Variants in CCDC180 observed in about 807,000 individuals in gnomAD.
The protein encoded by CCDC180 is coiled-coil domain-containing protein 180.
A neutral mutation model predicts 209.2 loss-of-function variants in CCDC180; 154 were observed. The ratio of observed to expected loss-of-function variants is 0.74; its 90% CI spans 0.65 to 0.84. The LOEUF (loss-of-function observed/expected upper bound fraction) is 0.84, where lower values mean the gene tolerates loss of function less well. CCDC180 is among the 40% of genes least tolerant of loss of function. The pLI, the probability that CCDC180 is intolerant of heterozygous loss-of-function variation, is 0.00. For synonymous variants in CCDC180, 778 were observed against 749.1 expected (o/e 1.04, Z -0.63); for missense variants, 1,874 against 1,997.3 (o/e 0.94, Z 1.18).
chr9:97,342,378 T>C (rs1305474922), intron 18 of CCDC180, among the ~76,000 whole-genome samples: 1 of 152,178 alleles, frequency 6.6e-6, no homozygotes, highest in Non-Finnish European at 1.5e-5. Flanking sequence ...GGTCTCAAAC[T>C]CATGACCTCA....
At chr9:97,371,925 C>T (rs565971258) in intron 34 of CCDC180, 7 of 375,674 alleles carry the variant, frequency 1.9e-5, no homozygotes, top group African/African-American at 1.2e-4. Context: ...ATTAAGTAAA[C>T]ACTCCCATAC....
chr9:97,330,234 A>C (rs1325369853), intron 17 of CCDC180, 41 bp downstream of exon 17: 2 of 1,612,090 alleles, frequency 1.2e-6, no homozygotes, highest in Non-Finnish European at 1.7e-6. Context: ...CCCAGACTTC[A>C]CTCTTACGCG....
intron 18 of CCDC180, among the ~76,000 whole-genome samples, chr9:97,342,977 C>G (rs1335665602): frequency 6.6e-6 from 1 of 152,122 alleles, no homozygotes; most frequent in African/African-American, 2.4e-5. Flanking sequence ...GCAGGAATCC[C>G]AAACTCAAAT....
Position 97,374,596 on chromosome 9 carries a change from G to A in CCDC180, c.4654G>A (p.Gly1552Arg), listed in dbSNP as rs1213935034. 2 of 1,614,016 alleles carry A rather than the reference G, an allele frequency of 1.2e-6. No homozygotes were observed. Among genetic ancestry groups the A allele is most frequent in the Admixed American group, 1.7e-5 (1 of 60,002 alleles). The change falls in exon 35 of 37, where the codon GGG becomes AGG. Residue 1552 changes from glycine (G) to arginine (R), a missense_variant. Transcript: ENST00000529487. ...AATGCTCATACGAAGGAAACTCGCT[G>A]GGCTCTCCCTGAAGGAAGAGAGTGA... ...LSMLIRRKLAGLSLKEESEKP... is the reference protein window; with the variant it reads ...LSMLIRRKLARLSLKEESEKP...
chr9:97,322,990 C>A, intron 12 of CCDC180, 69 bp downstream of exon 12: 1 of 1,234,944 alleles, frequency 8.1e-7, no homozygotes. Context: ...TCCCTGGCCC[C>A]ATACCCACTG....
chr9:97,309,082 A>G (rs1434639908), intron 2 of CCDC180, among the ~76,000 whole-genome samples: 2 of 152,226 alleles, frequency 1.3e-5, no homozygotes, highest in Non-Finnish European at 2.9e-5. Flanking sequence ...CTAACATTCC[A>G]TCAAACAGAC....
At chr9:97,316,048 T>C (rs761173376) in intron 8 of CCDC180, among the ~76,000 whole-genome samples, 4 of 152,126 alleles carry the variant, frequency 2.6e-5, no homozygotes, top group East Asian at 1.9e-4. Flanking sequence ...GGGAGGATAA[T>C]AAAAGAGGGT....
intron 18 of CCDC180, among the ~76,000 whole-genome samples, chr9:97,336,040 G>A (rs182750823): frequency 3.5e-4 from 54 of 152,182 alleles, no homozygotes; most frequent in African/African-American, 1.3e-3. Context: ...ATTTTTTCTT[G>A]TAAATTTGTT....
intron 20 of CCDC180, among the ~76,000 whole-genome samples, chr9:97,348,633 C>T (rs188072683): frequency 4.5e-4 from 69 of 152,200 alleles, no homozygotes; most frequent in Middle Eastern, 3.4e-3. Context: ...TTTAAAGGCC[C>T]ATGATGGAGC....
intron 18 of CCDC180, among the ~76,000 whole-genome samples, chr9:97,334,804 TC>T (rs1481955669): frequency 6.6e-6 from 1 of 152,180 alleles, no homozygotes; most frequent in Non-Finnish European, 1.5e-5. Context: ...TAGACTTTCA[TC>T]TTTAACAGTG....
At position 97,377,023 on chromosome 9, in the gene CCDC180, T is replaced by TGG; in HGVS notation, c.*129_*130insGG. On this transcript the variant is annotated 3_prime_UTR_variant, in exon 37 of 37. Transcript: ENST00000529487. Reference sequence around the variant, plus strand: ...CACCCCTGCTCTGTGCCGGGCACTGTAGCTTTACCAGCGAACAGGACACAG... The same window carrying TGG: ...CACCCCTGCTCTGTGCCGGGCACTGTGGAGCTTTACCAGCGAACAGGACACAG... The TGG allele has an allele frequency of 2.8e-6, 3 of 1,074,000 alleles. No homozygotes were observed. The highest frequency in any genetic ancestry group is 3.9e-6 in the Non-Finnish European group (3 of 772,080). The allele number at this position is 1,074,000 out of a possible 1,614,324, so 66.5% of individuals were successfully genotyped here.
intron 18 of CCDC180, among the ~76,000 whole-genome samples, chr9:97,340,034 C>T (rs1436929340): frequency 6.6e-6 from 1 of 152,200 alleles, no homozygotes; most frequent in Non-Finnish European, 1.5e-5. Context: ...CTTCTCTACA[C>T]TGTTTATTCT....
At chr9:97,353,852 G>T (rs1253684497) in intron 22 of CCDC180, among the ~76,000 whole-genome samples, 1 of 152,146 alleles carries the variant, frequency 6.6e-6, no homozygotes, top group East Asian at 1.9e-4. Context: ...CAATGCAAAT[G>T]TTGTCCTCTG....
rs1360673204 is a variant in CCDC180 at position 97,371,637 on chromosome 9, G to A, written c.4531G>A (p.Ala1511Thr). 6.2e-7 allele frequency: 1 copy of A among 1,607,830 alleles called. No homozygotes were observed. Among genetic ancestry groups the A allele is most frequent in the East Asian group, 2.2e-5 (1 of 44,690 alleles). ...RNGQVFITNL[A>T]TFTEKFLLQL... is the part of the protein sequence containing the mutation. ...TGGCCAGGTTTTCATAACCAACTTG[G>A]CCACCTTCACCGAGAAGTTCCTACT... Residue 1511 changes from alanine to threonine, a missense_variant, in exon 34 of 37, where the codon GCC becomes ACC. Ala to Thr is a moderately conservative substitution (Grantham distance 58). Coordinates refer to ENST00000529487, the MANE Select transcript of CCDC180 (RefSeq NM_020893.6).
At chr9:97,338,714 C>G (rs1825984988) in intron 18 of CCDC180, among the ~76,000 whole-genome samples, 1 of 152,152 alleles carries the variant, frequency 6.6e-6, no homozygotes, top group South Asian at 2.1e-4. Flanking sequence ...TCCTGGATAT[C>G]CTTGTTAACC....
intron 28 of CCDC180, among the ~76,000 whole-genome samples, 197 bp downstream of exon 28, chr9:97,362,638 C>T (rs1242123735): frequency 6.6e-6 from 1 of 151,330 alleles, no homozygotes; most frequent in Non-Finnish European, 1.5e-5. Context: ...GGATCTCAGC[C>T]GTGCCACCTT....
At position 97,366,722 on chromosome 9, in the gene CCDC180, G is replaced by A; in HGVS notation, c.4189+22G>A. ...ATAGGTGAGTATAGGCAGCAGGAAG[G>A]CACGGGGAACAGGGCGGGGCGCGAA... On this transcript the variant is annotated intron_variant, in intron 31 of 36. Transcript: ENST00000529487. This position sits in a 1 kb window ranked among gnomAD's most constrained non-coding sequence, Gnocchi z 4.3. The A allele has an allele frequency of 6.2e-7, 1 of 1,613,042 alleles. No individual in the cohort carries two copies. The highest frequency in any genetic ancestry group is 8.5e-7 in the Non-Finnish European group (1 of 1,179,476).
intron 19 of CCDC180, 87 bp downstream of exon 19, chr9:97,343,650 T>C (rs1587814579): frequency 1.0e-6 from 1 of 996,388 alleles, no homozygotes. Flanking sequence ...AGGATTGGGC[T>C]GGTATCAGTT....
At position 97,378,557 on chromosome 9, in the gene CCDC180, C is replaced by T. The variant is rs559559725; in HGVS notation, c.*1663C>T. 3.3e-5 allele frequency: 5 copies of T among 152,062 alleles called. No homozygotes were observed. The highest frequency in any genetic ancestry group is 4.4e-5 in the Non-Finnish European group (3 of 68,000). The allele number at this position is 152,062 out of a possible 1,614,324, so 9.4% of individuals were successfully genotyped here. A position where few individuals can be genotyped will look rare whatever the true frequency, so the allele number is the denominator to read the frequency against. The stretch of plus-strand genomic sequence containing the variant: ...TAAATCCTAGCCCAGTCCACTAACT[C>T]AGTTCATGGCCCACAAAGGGGCTTT... On this transcript the variant is annotated 3_prime_UTR_variant, in exon 37 of 37. Coordinates refer to ENST00000529487, the MANE Select transcript of CCDC180 (RefSeq NM_020893.6).
Sources: allele counts gnomAD v4.1 joint callset (sites outside exome capture counted in the v4.1 genomes callset), GRCh38; gene constraint gnomAD v4.1.1; non-coding constraint Gnocchi (gnomAD v3.1); transcripts MANE v1.5; gene names NCBI Gene and HGNC (gene_info 2026-07-23, HGNC 2026-07-21).